ERBB4: variants seen among roughly 807,000 people sequenced by gnomAD.
The protein encoded by ERBB4 is receptor tyrosine-protein kinase erbB-4.
In ERBB4, 42 loss-of-function variants were observed where a neutral mutation model predicts 158.0. The observed-to-expected ratio is 0.27, with a 90% confidence interval of 0.21 to 0.34. The LOEUF (loss-of-function observed/expected upper bound fraction) is 0.34. ERBB4 is among the 10% of genes least tolerant of loss of function. The pLI, the probability that ERBB4 is intolerant of heterozygous loss-of-function variation, is 1.00. For missense variants in ERBB4, 1,333 were observed against 1,624.1 expected, an observed-to-expected ratio of 0.82 and a Z score of 3.08; for synonymous variants, 583 against 558.7, an observed-to-expected ratio of 1.04 and a Z score of -0.61.
Position 211,381,284 on chromosome 2 carries a change from C to T in ERBB4, c.*2331G>A, listed in dbSNP as rs915303471. ...GTCTCCAATATTCTTGGCCAAGGAC[C>T]ACCATCTGCTTTTGGTTTAATGGTG... On this transcript the variant is annotated 3_prime_UTR_variant, in exon 28 of 28. Transcript: ENST00000342788. 2 of 232,252 alleles carry T rather than the reference C, an allele frequency of 8.6e-6. No individual in the cohort carries two copies. Among genetic ancestry groups the T allele is most frequent in the African/African-American group, 4.4e-5 (2 of 45,238 alleles). 14.4% of individuals were successfully genotyped at this position (232,252 alleles called of 1,614,324 possible).
At chr2:211,546,375 T>C (rs1469377025) in intron 20 of ERBB4, among the ~76,000 whole-genome samples, 2 of 152,126 alleles carry the variant, frequency 1.3e-5, no homozygotes, top group Admixed American at 1.3e-4. Flanking sequence ...AGTATATATT[T>C]TGTTTTATCA....
At chr2:211,898,975 G>A (rs559545423) in intron 3 of ERBB4, among the ~76,000 whole-genome samples, 8 of 152,144 alleles carry the variant, frequency 5.3e-5, no homozygotes, top group African/African-American at 1.9e-4. Context: ...CTCCTATGTT[G>A]CACTTACTGG....
intron 3 of ERBB4, among the ~76,000 whole-genome samples, chr2:211,858,933 C>A (rs1435626926): frequency 6.6e-6 from 1 of 152,074 alleles, no homozygotes; most frequent in African/African-American, 2.4e-5. Flanking sequence ...AGGCATGCAC[C>A]ACCACACCAG....
chr2:211,419,879 C>T (rs16846114), intron 25 of ERBB4, among the ~76,000 whole-genome samples: 5,610 of 152,076 alleles, frequency 0.037, 252 homozygotes, highest in African/African-American at 0.11. Flanking sequence ...CAGAAACTTC[C>T]TTCAAAACTT....
At chr2:212,417,464 C>T (rs770951009) in intron 1 of ERBB4, among the ~76,000 whole-genome samples, 4 of 151,934 alleles carry the variant, frequency 2.6e-5, no homozygotes, top group Non-Finnish European at 4.4e-5. Context: ...ATAACAAATG[C>T]CCATTAAAGC....
intron 5 of ERBB4, among the ~76,000 whole-genome samples, chr2:211,732,908 C>T (rs1005566743): frequency 4.6e-5 from 7 of 152,118 alleles, no homozygotes; most frequent in African/African-American, 1.2e-4. Flanking sequence ...ACCCGGGAGG[C>T]GGAGGTTGCA....
At chr2:211,929,873 G>A (rs2080126721) in intron 3 of ERBB4, among the ~76,000 whole-genome samples, 1 of 152,008 alleles carries the variant, frequency 6.6e-6, no homozygotes, top group Non-Finnish European at 1.5e-5. Flanking sequence ...TATGTATATA[G>A]AGAAAAACAA....
At chr2:212,131,929 G>A (rs2080118314) in intron 1 of ERBB4, among the ~76,000 whole-genome samples, 2 of 152,154 alleles carry the variant, frequency 1.3e-5, no homozygotes, top group African/African-American at 4.8e-5. Flanking sequence ...TACCAGCTAT[G>A]ATCATGTGAC....
intron 3 of ERBB4, among the ~76,000 whole-genome samples, chr2:211,905,740 G>A (rs963829281): frequency 0.054 from 5,180 of 95,438 alleles, 235 homozygotes; most frequent in African/African-American, 0.11. Context: ...GTGTGCATGT[G>A]TGTGTATATA....
intron 20 of ERBB4, among the ~76,000 whole-genome samples, chr2:211,519,052 C>T (rs1370002161): frequency 6.6e-6 from 1 of 152,012 alleles, no homozygotes; most frequent in Non-Finnish European, 1.5e-5. Flanking sequence ...CAGGCAAAGA[C>T]CCCTGCATTT....
intron 2 of ERBB4, among the ~76,000 whole-genome samples, chr2:212,084,703 C>G (rs142394670): frequency 1.1e-4 from 16 of 152,048 alleles, no homozygotes; most frequent in African/African-American, 3.9e-4. Flanking sequence ...ACATCTTCAT[C>G]TGAAACATAG....
At chr2:211,487,321 T>C (rs1325673264) in intron 20 of ERBB4, among the ~76,000 whole-genome samples, 1 of 151,874 alleles carries the variant, frequency 6.6e-6, no homozygotes, top group Non-Finnish European at 1.5e-5. Flanking sequence ...GTTATCCAAC[T>C]TTATGACTAT....
chr2:211,698,990 TG>T (rs1433919103), intron 12 of ERBB4, among the ~76,000 whole-genome samples: 1 of 152,220 alleles, frequency 6.6e-6, no homozygotes, highest in Admixed American at 6.5e-5. Context: ...AGAGTAAGAT[TG>T]CTCTAGCCAC....
At chr2:211,961,758 TAACAA>T (rs890574027) in intron 2 of ERBB4, among the ~76,000 whole-genome samples, 6 of 152,066 alleles carry the variant, frequency 3.9e-5, no homozygotes, top group Admixed American at 2.6e-4. Flanking sequence ...AATATGCAAT[TAACAA>T]AACCTAGCCT....
chr2:212,455,569 A>AG (rs991230409), intron 1 of ERBB4, among the ~76,000 whole-genome samples: 1 of 151,940 alleles, frequency 6.6e-6, no homozygotes, highest in African/African-American at 2.4e-5. Flanking sequence ...CTTAAAAAAA[A>AG]AAGTTTTGCT....
intron 20 of ERBB4, among the ~76,000 whole-genome samples, chr2:211,456,460 T>A (rs572647203): frequency 1.3e-5 from 2 of 152,310 alleles, no homozygotes; most frequent in East Asian, 3.9e-4. Flanking sequence ...TCAAGCTGGT[T>A]AATTTATTGA....
rs367610022 is a variant in ERBB4, at chr2:211,448,426, T to C, written c.2488-17326A>G. Among the ~76,000 whole-genome samples, 6 of 151,678 alleles carry C rather than the reference T, an allele frequency of 4.0e-5. No homozygotes were observed. In the East Asian group the frequency reaches 1.2e-3, roughly 30 times the overall value. On this transcript the variant is annotated intron_variant, in intron 20 of 27. Transcript: ENST00000342788. ...ACAGCCATTTATGATTTTTTAAAGA[T>C]GACAAGGAAAATTGTATGTATATAC...
intron 3 of ERBB4, among the ~76,000 whole-genome samples, chr2:211,856,725 C>T (rs1401751174): frequency 6.6e-6 from 1 of 152,114 alleles, no homozygotes; most frequent in Non-Finnish European, 1.5e-5. Flanking sequence ...GGAAAGAAAG[C>T]AGACTTCTGG....
chr2:212,235,675 G>C (rs1181602343), intron 1 of ERBB4, among the ~76,000 whole-genome samples: 1 of 152,142 alleles, frequency 6.6e-6, no homozygotes, highest in East Asian at 1.9e-4. Context: ...TCCTTGAAGA[G>C]TCCTTCACAT....
Sources: gnomAD v4.1 joint callset for allele counts (sites outside exome capture counted in the v4.1 genomes callset) on GRCh38, gnomAD v4.1.1 for gene constraint, MANE v1.5 for transcripts, NCBI Gene and HGNC (gene_info 2026-07-23, HGNC 2026-07-21) for gene names.